The following TRIM75 variants were observed in gnomAD, a reference collection of about 807,000 sequenced individuals.
TRIM75 encodes tripartite motif-containing protein 75.
At chr4:165,056,602 C>CTTTTTTT in the TRIM75 span, among the ~76,000 whole-genome samples, 101 of 69,988 alleles carry the variant, frequency 1.4e-3, 1 homozygote, top group Non-Finnish European at 2.0e-3. Context: ...GTCTCTGTCT[C>CTTTTTTT]TTTTTTTTTT....
At chr4:165,059,438 C>G in the TRIM75 span, 1 of 780,858 alleles carries the variant, frequency 1.3e-6, no homozygotes, top group South Asian at 1.3e-5. Context: ...CCACCTTGTG[C>G]GAGAAACACA....
At chr4:165,060,149 C>G in the TRIM75 span, 1 of 780,908 alleles carries the variant, frequency 1.3e-6, no homozygotes, top group Non-Finnish European at 2.4e-6. Flanking sequence ...GATTTACAGT[C>G]AAGCCAGTTG....
the TRIM75 span, among the ~76,000 whole-genome samples, chr4:165,057,534 T>C: frequency 1.3e-5 from 2 of 152,208 alleles, no homozygotes; most frequent in African/African-American, 4.8e-5. Flanking sequence ...TTTTGTTTTT[T>C]GTTTTTTGTT....
the TRIM75 span, among the ~76,000 whole-genome samples, chr4:165,057,030 C>T: frequency 3.3e-5 from 5 of 151,962 alleles, 1 homozygote; most frequent in South Asian, 1.0e-3. Context: ...AAGATGCCCG[C>T]TTTTTTTTAT....
chr4:165,058,913 G>A, the TRIM75 span, among the ~76,000 whole-genome samples: 9 of 152,248 alleles, frequency 5.9e-5, no homozygotes, highest in South Asian at 2.1e-4. Context: ...TGTGACTGCC[G>A]GCAGGCTGTG....
the TRIM75 span, among the ~76,000 whole-genome samples, chr4:165,056,536 G>C: frequency 6.6e-6 from 1 of 151,102 alleles, no homozygotes. Flanking sequence ...ACCTTTCTGG[G>C]CATGCTCACA....
the TRIM75 span, among the ~76,000 whole-genome samples, chr4:165,055,923 CTT>C: frequency 2.2e-5 from 3 of 135,592 alleles, no homozygotes; most frequent in Non-Finnish European, 3.1e-5. Flanking sequence ...CTCTCTCTCC[CTT>C]TTTTTTTTTT....
At chr4:165,058,335 ATT>A in the TRIM75 span, among the ~76,000 whole-genome samples, 4 of 149,958 alleles carry the variant, frequency 2.7e-5, no homozygotes, top group African/African-American at 9.8e-5. Context: ...TGCCCAACTA[ATT>A]TTTTTTTTAT....
At chr4:165,059,788 A>C in the TRIM75 span, 2 of 780,926 alleles carry the variant, frequency 2.6e-6, no homozygotes, top group South Asian at 1.3e-5. Flanking sequence ...GACAATCAAC[A>C]GAAACTCAGT....
chr4:165,059,451 C>G, the TRIM75 span: 1 of 780,886 alleles, frequency 1.3e-6, no homozygotes, highest in South Asian at 1.3e-5. Flanking sequence ...GAAACACAAC[C>G]AGCCCCTGAG....
chr4:165,058,263 GCTCAAGGATTCCTCCTGC>G, the TRIM75 span, among the ~76,000 whole-genome samples: 1 of 152,176 alleles, frequency 6.6e-6, no homozygotes, highest in African/African-American at 2.4e-5. Context: ...GACCTCTGTG[GCTCAAGGATTCCTCCTGC>G]CTCAACCTCC....
At chr4:165,056,223 C>T in the TRIM75 span, among the ~76,000 whole-genome samples, 1 of 151,886 alleles carries the variant, frequency 6.6e-6, no homozygotes, top group African/African-American at 2.4e-5. Flanking sequence ...TTTGAGAGGC[C>T]AGGAGTTCAA....
At chr4:165,059,193 T>C in the TRIM75 span, 1 of 779,996 alleles carries the variant, frequency 1.3e-6, no homozygotes, top group East Asian at 2.4e-5. Flanking sequence ...AGAAGCTAAG[T>C]GCTCCATCTG....
At chr4:165,054,266 A>ATT in the TRIM75 span, among the ~76,000 whole-genome samples, 595 of 96,836 alleles carry the variant, frequency 6.1e-3, 17 homozygotes, top group African/African-American at 7.9e-3. Context: ...TAATTTGTGT[A>ATT]TTTTTTTTTT....
chr4:165,055,419 G>T, the TRIM75 span, among the ~76,000 whole-genome samples: 1 of 151,878 alleles, frequency 6.6e-6, no homozygotes, highest in Non-Finnish European at 1.5e-5. Flanking sequence ...CGAGTAGCTG[G>T]GATTACAGGC....
chr4:165,053,874 TG>T, the TRIM75 span, among the ~76,000 whole-genome samples: 1 of 151,656 alleles, frequency 6.6e-6, no homozygotes, highest in Non-Finnish European at 1.5e-5. Flanking sequence ...GCACTTTCCA[TG>T]TGTGTTTAGT....
chr4:165,055,585 A>G, the TRIM75 span, among the ~76,000 whole-genome samples: 1 of 143,508 alleles, frequency 7.0e-6, no homozygotes, highest in African/African-American at 2.5e-5. Context: ...GCCCGGCGAT[A>G]ACTACATTTT....
chr4:165,058,712 T>G, the TRIM75 span, among the ~76,000 whole-genome samples: 1 of 152,208 alleles, frequency 6.6e-6, no homozygotes, highest in South Asian at 2.1e-4. Context: ...TTGGCTAGAA[T>G]GTGGTGGAGG....
At chr4:165,060,392 T>A in the TRIM75 span, 6 of 780,896 alleles carry the variant, frequency 7.7e-6, no homozygotes, top group Non-Finnish European at 1.2e-5. Context: ...CCATTGGCAT[T>A]TTCCTGGACT....
Sources: allele counts gnomAD v4.1 joint callset (sites outside exome capture counted in the v4.1 genomes callset), GRCh38; gene constraint gnomAD v4.1.1; transcripts MANE v1.5; gene names NCBI Gene and HGNC (gene_info 2026-07-23, HGNC 2026-07-21).